Variants in CSRP2 observed in about 807,000 individuals in gnomAD.
CSRP2 encodes the protein cysteine and glycine-rich protein 2.
Under a neutral mutation model 24.6 loss-of-function variants are expected in CSRP2, and 18 were observed. That is an observed-to-expected ratio of 0.73 (90% CI 0.51 to 1.09). The LOEUF is 1.09. Among genes scored for constraint, CSRP2 ranks in the 50% least tolerant of loss-of-function variants. The pLI, the probability that CSRP2 is intolerant of heterozygous loss-of-function variation, is 0.00. For missense variants in CSRP2, 215 were observed against 239.4 expected (o/e 0.90, Z 0.67); for synonymous variants, 87 against 84.3 (o/e 1.03, Z -0.18).
intron 3 of CSRP2, 21 bp from the exon 4 acceptor site, chr12:76,860,434 A>G: frequency 6.2e-7 from 1 of 1,611,814 alleles, no homozygotes; most frequent in Non-Finnish European, 8.5e-7. Flanking sequence ...GAGGAAAAAA[A>G]AAGTAGGCAA....
Position 76,874,039 on chromosome 12 carries a change from T to C in CSRP2, c.-2+4899A>G, listed in dbSNP as rs535657576. On this transcript the variant is annotated intron_variant, in intron 1 of 5. Transcript: ENST00000311083. The stretch of plus-strand genomic sequence containing the variant: ...GAAAGGCCCGTTTTGCACAGAGTTC[T>C]ACTGAGGTGGTAAAAACATGTGGAC... Among the ~76,000 whole-genome samples the C allele has an allele frequency of 3.9e-5, 6 of 152,350 alleles. No individual in the cohort carries two copies. In the East Asian group the frequency reaches 9.6e-4, roughly 24 times the overall value.
At position 76,858,891 on chromosome 12, in the gene CSRP2, T is replaced by G. The variant is rs925697608; in HGVS notation, c.*61A>C. ...TTCACAGTAGTTTAGTGTTAAAGATTATCTGTGCCTAGATTATGAAGAGAT... is the reference window on the plus strand; with the variant it reads ...TTCACAGTAGTTTAGTGTTAAAGATGATCTGTGCCTAGATTATGAAGAGAT... On this transcript the variant is annotated 3_prime_UTR_variant, in exon 6 of 6. Coordinates refer to ENST00000311083, the MANE Select transcript of CSRP2 (RefSeq NM_001321.3). 9 of 1,425,654 alleles carry G rather than the reference T, an allele frequency of 6.3e-6. No individual in the cohort carries two copies. The highest frequency in any genetic ancestry group is 8.9e-6 in the Non-Finnish European group (9 of 1,009,488). 88.3% of individuals were successfully genotyped at this position (1,425,654 alleles called of 1,614,324 possible).
chr12:76,867,035 T>C (rs911955265), intron 1 of CSRP2, among the ~76,000 whole-genome samples: 1 of 152,156 alleles, frequency 6.6e-6, no homozygotes, highest in African/African-American at 2.4e-5. Context: ...TTCCTACCAG[T>C]TGAACTGTTT....
chr12:76,861,563 G>A (rs1953678864), intron 3 of CSRP2: 1 of 151,964 alleles, frequency 6.6e-6, no homozygotes. Context: ...TAACAAGATG[G>A]AAAAGGAGAG....
chr12:76,874,647 C>A (rs1018803976), intron 1 of CSRP2, among the ~76,000 whole-genome samples: 5 of 152,154 alleles, frequency 3.3e-5, no homozygotes, highest in African/African-American at 1.2e-4. Context: ...TGTGTTCAGG[C>A]TACTTGCTAC....
chr12:76,860,485 A>G, intron 3 of CSRP2, 72 bp from the exon 4 acceptor site: 2 of 1,555,352 alleles, frequency 1.3e-6, no homozygotes, highest in Non-Finnish European at 1.8e-6. Flanking sequence ...AGGCAGGAAC[A>G]ATAGAACTCT....
At chr12:76,872,190 T>C (rs963395058) in intron 1 of CSRP2, among the ~76,000 whole-genome samples, 4 of 152,212 alleles carry the variant, frequency 2.6e-5, no homozygotes, top group Non-Finnish European at 4.4e-5. Context: ...TACAACGTGA[T>C]TTATATCTGA....
intron 2 of CSRP2, 122 bp downstream of exon 2, chr12:76,866,026 TA>T (rs1953731457): frequency 5.5e-6 from 4 of 723,072 alleles, no homozygotes; most frequent in East Asian, 5.5e-5. Flanking sequence ...AGAAGACAGG[TA>T]AAAACCATTC....
chr12:76,868,865 G>A (rs1262729772), intron 1 of CSRP2, among the ~76,000 whole-genome samples: 3 of 151,532 alleles, frequency 2.0e-5, no homozygotes, highest in Non-Finnish European at 4.4e-5. Flanking sequence ...CCCGGGAGGC[G>A]GAGCTTGCAG....
intron 2 of CSRP2, among the ~76,000 whole-genome samples, chr12:76,865,286 A>AT (rs548845409): frequency 2.8e-4 from 42 of 152,320 alleles, no homozygotes; most frequent in South Asian, 2.5e-3. Context: ...TGAAAAATAG[A>AT]TTCCTTTTTT....
chr12:76,877,422 C>G (rs1953862983), intron 1 of CSRP2, among the ~76,000 whole-genome samples: 1 of 152,192 alleles, frequency 6.6e-6, no homozygotes, highest in Non-Finnish European at 1.5e-5. Context: ...ATGATACGAA[C>G]TTTAGATCAA....
intron 3 of CSRP2, 136 bp downstream of exon 3, chr12:76,863,040 G>T: frequency 7.0e-7 from 1 of 1,436,544 alleles, no homozygotes; most frequent in South Asian, 1.5e-5. Context: ...TGAACTAGTT[G>T]ACATTAGAAA....
Position 76,860,353 on chromosome 12 carries a change from T to G in CSRP2, c.342A>C (p.Gly114=). The change falls in exon 4 of 6, where the codon GGA becomes GGC. Residue 114 remains glycine, a synonymous_variant. Coordinates refer to ENST00000311083, the MANE Select transcript of CSRP2 (RefSeq NM_001321.3). Reference sequence around the variant, plus strand: ...CACATCTGGAACACTTCTCAGCACCTCCATATTTCTGAGCAAATTTAGAAG... The same window carrying G: ...CACATCTGGAACACTTCTCAGCACCGCCATATTTCTGAGCAAATTTAGAAG... ...PNTSKFAQKY[G]GAEKCSRCGD... is the part of the protein sequence containing the mutation. The G allele has an allele frequency of 6.2e-7, 1 of 1,614,040 alleles. No individual in the cohort carries two copies. Among genetic ancestry groups the G allele is most frequent in the East Asian group, 2.2e-5 (1 of 44,872 alleles).
chr12:76,860,243 G>A, intron 4 of CSRP2, 41 bp downstream of exon 4: 1 of 1,600,552 alleles, frequency 6.2e-7, no homozygotes. Flanking sequence ...AGGGAGCAGA[G>A]AGAAGTCATT....
chr12:76,878,066 T>C (rs1953869929), intron 1 of CSRP2: 1 of 147,042 alleles, frequency 6.8e-6, no homozygotes, highest in Admixed American at 7.0e-5. Flanking sequence ...ACATTTTGGG[T>C]AGCCATTTAA....
At chr12:76,859,088 C>G (rs1953648562) in intron 5 of CSRP2, 60 bp from the exon 6 acceptor site, 1 of 1,392,762 alleles carries the variant, frequency 7.2e-7, no homozygotes, top group Admixed American at 1.7e-5. Flanking sequence ...GCTAGCACTG[C>G]TTAAGACCCA....
In CSRP2 at chr12:76,872,389, A is replaced by G. The variant is rs11115931; in HGVS notation, c.-1-6128T>C. 8.7e-3 allele frequency among the ~76,000 whole-genome samples: 1,327 copies of G among 152,334 alleles called. 12 individuals carry two copies. The highest frequency in any genetic ancestry group is 0.014 in the Non-Finnish European group (931 of 68,032). On this transcript the variant is annotated intron_variant, in intron 1 of 5. Transcript: ENST00000311083. ...TTATTTTAGGCAGATAGAGAGGAAA[A>G]GGGGTCCTTGGGAAGTTTTCATTTT...
chr12:76,870,835 T>C (rs1953788778), intron 1 of CSRP2, among the ~76,000 whole-genome samples: 1 of 151,908 alleles, frequency 6.6e-6, no homozygotes, highest in African/African-American at 2.4e-5. Context: ...TAGCCAGGCA[T>C]GGTGGCACAC....
chr12:76,868,335 G>A (rs995347928), intron 1 of CSRP2, among the ~76,000 whole-genome samples: 43 of 152,242 alleles, frequency 2.8e-4, no homozygotes, highest in African/African-American at 9.9e-4. Flanking sequence ...ATTCCCATGT[G>A]TTGTGGGACG....
Sources: gnomAD v4.1 joint callset for allele counts (sites outside exome capture counted in the v4.1 genomes callset) on GRCh38, gnomAD v4.1.1 for gene constraint, MANE v1.5 for transcripts, NCBI Gene and HGNC (gene_info 2026-07-23, HGNC 2026-07-21) for gene names.